BARX2: variants seen among roughly 807,000 people sequenced by gnomAD.
The protein encoded by BARX2 is homeobox protein BarH-like 2.
Under a neutral mutation model 25.5 loss-of-function variants are expected in BARX2, and 11 were observed. The observed-to-expected ratio is 0.43, with a 90% CI of 0.27 to 0.71. BARX2 has a LOEUF of 0.71. Among genes scored for constraint, BARX2 ranks in the 30% least tolerant of loss-of-function variants. The pLI, the probability that BARX2 is intolerant of heterozygous loss-of-function variation, is 0.19. For missense variants in BARX2, 360 were observed against 359.9 expected, an observed-to-expected ratio of 1.00 and a Z score of 0.00; for synonymous variants, 137 against 149.5, an observed-to-expected ratio of 0.92 and a Z score of 0.61.
chr11:129,386,690 G>T (rs561752264), intron 1 of BARX2, among the ~76,000 whole-genome samples: 5 of 152,166 alleles, frequency 3.3e-5, no homozygotes, highest in African/African-American at 1.2e-4. Context: ...CAACACCAAA[G>T]ACGTTTTTCT....
At chr11:129,434,421 T>A (rs1027672956) in intron 1 of BARX2, among the ~76,000 whole-genome samples, 80 of 76,382 alleles carry the variant, frequency 1.0e-3, no homozygotes, top group Middle Eastern at 0.019. Flanking sequence ...AAAAAGTAAG[T>A]AAAAAAAAAA....
chr11:129,396,327 G>A (rs186423984), intron 1 of BARX2, among the ~76,000 whole-genome samples: 1 of 151,562 alleles, frequency 6.6e-6, no homozygotes, highest in Admixed American at 6.6e-5. Context: ...CCCTGCCCTG[G>A]GATTTAGGGA....
chr11:129,434,641 T>C (rs915796929), intron 1 of BARX2, among the ~76,000 whole-genome samples: 7 of 152,178 alleles, frequency 4.6e-5, no homozygotes, highest in African/African-American at 1.4e-4. Context: ...GATATTAATA[T>C]ATAGGTTATT....
At chr11:129,416,499 C>T (rs998617471) in intron 1 of BARX2, among the ~76,000 whole-genome samples, 2 of 152,046 alleles carry the variant, frequency 1.3e-5, no homozygotes, top group Non-Finnish European at 2.9e-5. Context: ...CTATGATGCC[C>T]AAAGAATCTT....
At chr11:129,401,258 A>G (rs1244075757) in intron 1 of BARX2, among the ~76,000 whole-genome samples, 1 of 152,176 alleles carries the variant, frequency 6.6e-6, no homozygotes, top group East Asian at 1.9e-4. Flanking sequence ...AGAAATTGTT[A>G]GAGATGGATA....
intron 1 of BARX2, among the ~76,000 whole-genome samples, chr11:129,407,447 A>G (rs1861843193): frequency 6.6e-6 from 1 of 152,182 alleles, no homozygotes; most frequent in South Asian, 2.1e-4. Flanking sequence ...GCAGAGTTAC[A>G]GGTCATTTAA....
chr11:129,412,777 C>A (rs1861903319), intron 1 of BARX2, among the ~76,000 whole-genome samples: 2 of 152,162 alleles, frequency 1.3e-5, no homozygotes. Flanking sequence ...TGCAGCTAGT[C>A]CTCACTTTGG....
At chr11:129,444,980 C>CAG (rs1310686548) in intron 3 of BARX2, among the ~76,000 whole-genome samples, 1 of 151,686 alleles carries the variant, frequency 6.6e-6, no homozygotes, top group African/African-American at 2.4e-5. Flanking sequence ...CAGTCTGGGC[C>CAG]ACGGAGCAAG....
rs1861508639 is a variant in BARX2, at chr11:129,376,728, C to T, written c.187+506C>T. Among the ~76,000 whole-genome samples the T allele has an allele frequency of 6.6e-6, 1 of 152,104 alleles. No homozygotes were observed. Among genetic ancestry groups the T allele is most frequent in the African/African-American group, 2.4e-5 (1 of 41,390 alleles). On this transcript the variant is annotated intron_variant, in intron 1 of 3. Coordinates refer to ENST00000281437, the MANE Select transcript of BARX2 (RefSeq NM_003658.5). This position sits in a 1 kb window ranked among gnomAD's most constrained non-coding sequence, Gnocchi z 4.2. The stretch of plus-strand genomic sequence containing the variant: ...ACTGAGCTTTGCTTACAATGATCGC[C>T]CTCTGAGAAAGTAGTTCTGAAGTAC...
intron 1 of BARX2, among the ~76,000 whole-genome samples, chr11:129,410,679 G>A (rs1861877593): frequency 6.6e-6 from 1 of 152,228 alleles, no homozygotes; most frequent in South Asian, 2.1e-4. Flanking sequence ...ACCAGAGCCA[G>A]TAGGTCATTT....
intron 1 of BARX2, among the ~76,000 whole-genome samples, chr11:129,413,605 C>G (rs532012915): frequency 6.6e-6 from 1 of 151,612 alleles, no homozygotes; most frequent in Non-Finnish European, 1.5e-5. Flanking sequence ...TCTAGGAAAC[C>G]GTAAAGGCCG....
intron 2 of BARX2, among the ~76,000 whole-genome samples, chr11:129,438,507 G>A (rs1275748797): frequency 6.6e-6 from 1 of 152,170 alleles, no homozygotes; most frequent in Non-Finnish European, 1.5e-5. Context: ...CTATCAAAAA[G>A]TAAAGGAAGG....
intron 1 of BARX2, among the ~76,000 whole-genome samples, chr11:129,387,075 G>A (rs560605376): frequency 7.9e-5 from 12 of 152,244 alleles, no homozygotes; most frequent in Admixed American, 7.9e-4. Flanking sequence ...CGCGGGTTAC[G>A]GGACAAAGTC....
At chr11:129,415,906 A>T (rs766055493) in intron 1 of BARX2, among the ~76,000 whole-genome samples, 5 of 152,256 alleles carry the variant, frequency 3.3e-5, no homozygotes, top group Non-Finnish European at 4.4e-5. Context: ...TCCAAATGAC[A>T]CTTTTTCCTG....
At chr11:129,426,800 ATT>A (rs10596885) in intron 1 of BARX2, among the ~76,000 whole-genome samples, 12,569 of 146,258 alleles carry the variant, frequency 0.086, 640 homozygotes, top group Middle Eastern at 0.13. Context: ...TTTTCTGTGG[ATT>A]TTTTTTTTTT....
chr11:129,436,685 C>T lies in BARX2; in HGVS notation c.188-66C>T, dbSNP rs1862192511. 9 of 1,494,916 alleles carry T rather than the reference C, an allele frequency of 6.0e-6. No homozygotes were observed. The highest frequency in any genetic ancestry group is 1.3e-5 in the South Asian group (1 of 74,830). The allele number at this position is 1,494,916 out of a possible 1,614,324, so 92.6% of individuals were successfully genotyped here. ...AGACAGACCTCAGCCAGCGGCCCTC[C>T]GCAGGTCCTGGCCTGCTTCCCCACA... On this transcript the variant is annotated intron_variant, in intron 1 of 3. Transcript: ENST00000281437. The surrounding 1 kb of genome is among the most constrained non-coding windows in gnomAD (Gnocchi z 4.5).
chr11:129,402,052 A>T (rs1861781926), intron 1 of BARX2, among the ~76,000 whole-genome samples: 1 of 151,994 alleles, frequency 6.6e-6, no homozygotes. Flanking sequence ...AAATATGCAA[A>T]AGACATAAAT....
chr11:129,450,271 G>A (rs1328088905), intron 3 of BARX2, among the ~76,000 whole-genome samples: 1 of 152,100 alleles, frequency 6.6e-6, no homozygotes, highest in Non-Finnish European at 1.5e-5. Context: ...TCTGATTACA[G>A]AAATACTTAT....
chr11:129,395,834 G>A (rs1159110184), intron 1 of BARX2, among the ~76,000 whole-genome samples: 1 of 152,170 alleles, frequency 6.6e-6, no homozygotes, highest in Non-Finnish European at 1.5e-5. Context: ...CTCACTGGGT[G>A]ACCTGGGCAG....
Sources: allele counts gnomAD v4.1 joint callset (sites outside exome capture counted in the v4.1 genomes callset), GRCh38; gene constraint gnomAD v4.1.1; non-coding constraint Gnocchi (gnomAD v3.1); transcripts MANE v1.5; gene names NCBI Gene and HGNC (gene_info 2026-07-23, HGNC 2026-07-21).